NEK3: variants seen among roughly 807,000 people sequenced by gnomAD.
NEK3 encodes the protein serine/threonine-protein kinase Nek3.
Under a neutral mutation model 66.0 loss-of-function variants are expected in NEK3, and 54 were observed. That is an observed-to-expected ratio of 0.82 (90% confidence interval 0.66 to 1.03). NEK3 has a LOEUF of 1.03. Among genes scored for constraint, NEK3 ranks in the 50% least tolerant of loss-of-function variants. The probability of loss-of-function intolerance (pLI) is 0.00; values close to 1 mark genes in which losing one functional copy is unlikely to be tolerated. For missense variants in NEK3, 593 were observed against 603.0 expected (o/e 0.98, Z 0.17); for synonymous variants, 200 against 206.2 (o/e 0.97, Z 0.26).
At chr13:52,139,002 G>A (rs886646822) in intron 11 of NEK3, among the ~76,000 whole-genome samples, 1 of 152,096 alleles carries the variant, frequency 6.6e-6, no homozygotes, top group Admixed American at 6.6e-5. Context: ...AATTTGCTAA[G>A]GGGGGTGTGA....
intron 12 of NEK3, among the ~76,000 whole-genome samples, chr13:52,136,520 A>C (rs767394767): frequency 1.3e-5 from 2 of 152,172 alleles, no homozygotes; most frequent in Non-Finnish European, 2.9e-5. Flanking sequence ...ATATTATACA[A>C]GAATGAAGCC....
chr13:52,152,572 C>CTT, intron 5 of NEK3, 37 bp downstream of exon 5: 88 of 1,084,268 alleles, frequency 8.1e-5, no homozygotes, highest in South Asian at 1.3e-4. Flanking sequence ...GAATTAAGGA[C>CTT]TTTTTTTTTT....
In NEK3 at chr13:52,151,193, A is replaced by G. The variant is rs41292806; in HGVS notation, c.501T>C (p.Tyr167=). Residue 167 remains tyrosine (Y), a synonymous_variant, in exon 7 of 16, where the codon TAT becomes TAC. Coordinates refer to ENST00000610828, the MANE Select transcript of NEK3 (RefSeq NM_002498.3). ...AFACTYVGTP[Y]YVPPEIWENL... ...TTTCCCAAATTTCTGGAGGCACATAATAAGGAGTTCCCACATAGGTACAAG... is the reference window on the plus strand; with the variant it reads ...TTTCCCAAATTTCTGGAGGCACATAGTAAGGAGTTCCCACATAGGTACAAG... 9,314 of 1,610,836 alleles carry G rather than the reference A, an allele frequency of 5.8e-3. 40 individuals are homozygous for G. The highest frequency in any genetic ancestry group is 6.6e-3 in the Non-Finnish European group (7,828 of 1,178,586).
chr13:52,148,448 G>A lies in NEK3; in HGVS notation c.570C>T (p.Cys190=), dbSNP rs1447590686. The change falls in exon 8 of 16, where the codon TGC becomes TGT. Residue 190 remains cysteine (C), a synonymous_variant. Coordinates refer to ENST00000610828, the MANE Select transcript of NEK3 (RefSeq NM_002498.3). ...NNKSDIWSLG[C]ILYELCTLKH... is the part of the protein sequence containing the mutation. The stretch of plus-strand genomic sequence containing the variant: ...TAAGGGTACAGAGTTCATACAGGAT[G>A]CAACCCAAGGACCAGATGTCACTGA... 1.9e-6 allele frequency: 3 copies of A among 1,613,496 alleles called. No homozygotes were observed. Among genetic ancestry groups the A allele is most frequent in the Non-Finnish European group, 2.5e-6 (3 of 1,179,674 alleles).
chr13:52,152,150 T>G (rs1956352377), intron 5 of NEK3, among the ~76,000 whole-genome samples: 1 of 152,228 alleles, frequency 6.6e-6, no homozygotes, highest in South Asian at 2.1e-4. Context: ...CTTATTTGGT[T>G]TGTATAAATA....
At position 52,135,812 on chromosome 13, in the gene NEK3, T is replaced by C. The variant is rs376677096; in HGVS notation, c.1226A>G (p.Lys409Arg). 5.0e-6 allele frequency: 8 copies of C among 1,613,748 alleles called. 1 individual carries two copies. Among genetic ancestry groups the C allele is most frequent in the South Asian group, 3.3e-5 (3 of 91,058 alleles). Residue 409 changes from lysine to arginine, a missense_variant, in exon 14 of 16, where the codon AAA becomes AGA. Lys to Arg is a conservative substitution (Grantham distance 26). Coordinates refer to ENST00000610828, the MANE Select transcript of NEK3 (RefSeq NM_002498.3). The part of the protein sequence containing the change: ...SKNTTRKQWL[K>R]ETPDTLLNIL... Reference sequence around the variant, plus strand: ...GTTCAACAAAGTGTCAGGGGTCTCTTTGAGCCACTGCTTACGAGTAGTATT... The same window carrying C: ...GTTCAACAAAGTGTCAGGGGTCTCTCTGAGCCACTGCTTACGAGTAGTATT...
In NEK3 at chr13:52,133,736, G is replaced by A; in HGVS notation, c.1389C>T (p.Val463=). The A allele has an allele frequency of 6.4e-7, 1 of 1,571,348 alleles. No individual in the cohort carries two copies. Among genetic ancestry groups the A allele is most frequent in the Non-Finnish European group, 8.6e-7 (1 of 1,156,956 alleles). Reference sequence around the variant, plus strand: ...GCTCAAGTCGCTCTGGATCCAAAATGACAGAATCGTGACCTCCATCAACAC... The same window carrying A: ...GCTCAAGTCGCTCTGGATCCAAAATAACAGAATCGTGACCTCCATCAACAC... The part of the protein sequence containing the change: ...SDSVDGGHDS[V]ILDPERLEPG... The change falls in exon 15 of 16, where the codon GTC becomes GTT. Residue 463 remains valine, a synonymous_variant. Transcript: ENST00000610828.
chr13:52,153,774 T>C lies in NEK3; in HGVS notation c.309+121A>G, dbSNP rs190883156. The stretch of plus-strand genomic sequence containing the variant: ...GTGGTAACACCAATTCAGAAATCAG[T>C]CATTTCTATCTACCTTCTCGGGTAA... On this transcript the variant is annotated intron_variant, in intron 4 of 15. Transcript: ENST00000610828. 20 of 679,192 alleles carry C rather than the reference T, an allele frequency of 2.9e-5. No individual in the cohort carries two copies. In the East Asian group the frequency reaches 5.4e-4, roughly 18 times the overall value. 42.1% of individuals were successfully genotyped at this position (679,192 alleles called of 1,614,324 possible).
chr13:52,152,788 G>A (rs745823822), intron 4 of NEK3, 96 bp from the exon 5 acceptor site: 30 of 712,242 alleles, frequency 4.2e-5, no homozygotes, highest in Non-Finnish European at 5.1e-5. Flanking sequence ...TTAGTCAACC[G>A]GGATTTTACG....
chr13:52,137,734 C>T lies in NEK3; in HGVS notation c.928-832G>A, dbSNP rs80313112. Among the ~76,000 whole-genome samples, 814 of 152,278 alleles carry T rather than the reference C, an allele frequency of 5.3e-3. 7 individuals carry two copies. Among genetic ancestry groups the T allele is most frequent in the African/African-American group, 0.019 (769 of 41,540 alleles). On this transcript the variant is annotated intron_variant, in intron 11 of 15. Coordinates refer to ENST00000610828, the MANE Select transcript of NEK3 (RefSeq NM_002498.3). Reference sequence around the variant, plus strand: ...CCAGGGGATTCCAGTCTTTCCTTCCCATTGAGGATCACTGCTTTCTGTGTC... The same window carrying T: ...CCAGGGGATTCCAGTCTTTCCTTCCTATTGAGGATCACTGCTTTCTGTGTC...
At chr13:52,158,710 A>T (rs1227775913) in intron 1 of NEK3, among the ~76,000 whole-genome samples, 8 of 152,230 alleles carry the variant, frequency 5.3e-5, no homozygotes, top group Non-Finnish European at 1.0e-4. Context: ...CATGCCTGCA[A>T]CAATACTTTT....
At chr13:52,145,797 G>A (rs1035132139) in intron 8 of NEK3, among the ~76,000 whole-genome samples, 1 of 152,104 alleles carries the variant, frequency 6.6e-6, no homozygotes, top group African/African-American at 2.4e-5. Context: ...CCTTGGTAAT[G>A]CTTATGAAAG....
At chr13:52,136,980 C>T (rs905240483) in intron 11 of NEK3, 78 bp from the exon 12 acceptor site, 3 of 937,852 alleles carry the variant, frequency 3.2e-6, no homozygotes, top group Non-Finnish European at 4.5e-6. Flanking sequence ...CAAAGTCAGC[C>T]ATTTTAATTT....
At chr13:52,151,993 A>G (rs1956350560) in intron 5 of NEK3, among the ~76,000 whole-genome samples, 1 of 152,220 alleles carries the variant, frequency 6.6e-6, no homozygotes, top group East Asian at 1.9e-4. Context: ...AATAGGCTAT[A>G]ACATCTAGGT....
chr13:52,143,885 TAAC>T lies in NEK3; in HGVS notation c.877+27_877+29del, dbSNP rs755092371. ...TACAGTATATTTTTAAAAGAGCACT[TAAC>T]AAAAAATACTCTGTCAAAATTCTTA... On this transcript the variant is annotated intron_variant, in intron 10 of 15. Transcript: ENST00000610828. 27 of 1,186,046 alleles carry T rather than the reference TAAC, an allele frequency of 2.3e-5. No homozygotes were observed. In the Admixed American group the frequency reaches 3.2e-4, roughly 14 times the overall value. The allele number at this position is 1,186,046 out of a possible 1,614,324, so 73.5% of individuals were successfully genotyped here.
At chr13:52,148,965 C>A (rs1258563859) in intron 7 of NEK3, among the ~76,000 whole-genome samples, 1 of 152,170 alleles carries the variant, frequency 6.6e-6, no homozygotes, top group Non-Finnish European at 1.5e-5. Flanking sequence ...AATCTCGGCT[C>A]ACTGCAAGCT....
rs1327818663 is a variant in NEK3 at position 52,151,194 on chromosome 13, T to C, written c.500A>G (p.Tyr167Cys). 1 of 1,610,816 alleles carries C rather than the reference T, an allele frequency of 6.2e-7. No homozygotes were observed. Among genetic ancestry groups the C allele is most frequent in the Admixed American group, 1.7e-5 (1 of 59,560 alleles). Reference protein sequence around the residue: ...AFACTYVGTPYYVPPEIWENL... With the variant: ...AFACTYVGTPCYVPPEIWENL... ...TTCCCAAATTTCTGGAGGCACATAA[T>C]AAGGAGTTCCCACATAGGTACAAGC... Residue 167 changes from tyrosine (Y) to cysteine (C), a missense_variant, in exon 7 of 16, where the codon TAT (tyrosine) becomes TGT (cysteine). Physicochemically the swap from Tyr to Cys is radical, Grantham distance 194 (BLOSUM62 -2). Transcript: ENST00000610828.
Position 52,156,208 on chromosome 13 carries a change from A to G in NEK3, c.-17T>C. 6.7e-7 allele frequency: 1 copy of G among 1,500,666 alleles called. No individual in the cohort carries two copies. Among genetic ancestry groups the G allele is most frequent in the Non-Finnish European group, 9.2e-7 (1 of 1,090,934 alleles). The allele number at this position is 1,500,666 out of a possible 1,614,324, so 93.0% of individuals were successfully genotyped here. ...GTCATCCATGCTGGGGCATCCACAC[A>G]GCTGGGCTCCACTCACGCAGTCACC... On this transcript the variant is annotated 5_prime_UTR_variant, in exon 2 of 16. Transcript: ENST00000610828.
chr13:52,156,164 T>C lies in NEK3; in HGVS notation c.28A>G (p.Ile10Val). Reference sequence around the variant, plus strand: ...GCTCTGCCGAAGGAGCCCTCCCCAATCATTCTCAGGACCATGTAGTCATCC... The same window carrying C: ...GCTCTGCCGAAGGAGCCCTCCCCAACCATTCTCAGGACCATGTAGTCATCC... MDDYMVLRM[I>V]GEGSFGRALL... Residue 10 changes from isoleucine (I) to valine (V), a missense_variant, in exon 2 of 16, where the codon ATT becomes GTT. Ile to Val is a conservative substitution (Grantham distance 29). Coordinates refer to ENST00000610828, the MANE Select transcript of NEK3 (RefSeq NM_002498.3). The C allele has an allele frequency of 6.2e-7, 1 of 1,602,452 alleles. No individual in the cohort carries two copies. Among genetic ancestry groups the C allele is most frequent in the Non-Finnish European group, 8.5e-7 (1 of 1,174,130 alleles).
Sources: allele counts gnomAD v4.1 joint callset (sites outside exome capture counted in the v4.1 genomes callset), GRCh38; gene constraint gnomAD v4.1.1; transcripts MANE v1.5; gene names NCBI Gene and HGNC (gene_info 2026-07-23, HGNC 2026-07-21).